The following ZNF487 variants were observed in gnomAD, a reference collection of about 807,000 sequenced individuals.
The protein encoded by ZNF487 is zinc finger protein 487.
A neutral mutation model predicts 3.0 loss-of-function variants in ZNF487; 4 were observed. That is an observed-to-expected ratio of 1.35 (90% CI 0.66 to 3.08). The LOEUF (loss-of-function observed/expected upper bound fraction) is 3.08, where lower values mean the gene tolerates loss of function less well. Among genes scored for constraint, ZNF487 ranks in the 30% most tolerant of loss-of-function variants. The pLI is 0.01. For synonymous variants in ZNF487, 55 were observed against 34.6 expected (o/e 1.59, Z -2.06); for missense variants, 146 against 98.7 (o/e 1.48, Z -2.03).
chr10:43,466,110 G>T (rs1840690917), intron 1 of ZNF487, among the ~76,000 whole-genome samples: 1 of 151,520 alleles, frequency 6.6e-6, no homozygotes, highest in African/African-American at 2.4e-5. Flanking sequence ...ATCAGGCAGG[G>T]AGGTTGCAGT....
intron 1 of ZNF487, among the ~76,000 whole-genome samples, chr10:43,440,980 C>T (rs1839577978): frequency 6.7e-6 from 1 of 148,562 alleles, no homozygotes; most frequent in Non-Finnish European, 1.5e-5. Flanking sequence ...AATCCTCCCA[C>T]CTTAGCCTCC....
At chr10:43,475,016 T>C (rs937490496) in intron 1 of ZNF487, among the ~76,000 whole-genome samples, 1 of 152,068 alleles carries the variant, frequency 6.6e-6, no homozygotes, top group Non-Finnish European at 1.5e-5. Context: ...AGGCGCAAAC[T>C]TCCCCTGCCT....
chr10:43,504,296 T>TTC, the ZNF487 span, among the ~76,000 whole-genome samples: 6 of 125,904 alleles, frequency 4.8e-5, no homozygotes, highest in South Asian at 2.6e-4. Flanking sequence ...TTTCTTTCTT[T>TTC]TTTTTTTTTT....
chr10:43,463,543 A>G, intron 1 of ZNF487, among the ~76,000 whole-genome samples: 1 of 151,760 alleles, frequency 6.6e-6, no homozygotes, highest in Non-Finnish European at 1.5e-5. Flanking sequence ...GTCTCGAAAA[A>G]AAAAAAAAAT....
At chr10:43,452,155 A>G (rs1420782725) in intron 1 of ZNF487, 3 of 152,096 alleles carry the variant, frequency 2.0e-5, no homozygotes, top group African/African-American at 7.2e-5. Flanking sequence ...TGTAGTTTTT[A>G]TGAACTAGAG....
downstream of ZNF487, among the ~76,000 whole-genome samples, chr10:43,486,272 C>A (rs1841470660): frequency 6.6e-6 from 1 of 152,136 alleles, no homozygotes; most frequent in African/African-American, 2.4e-5. Context: ...CACCTGTAAT[C>A]CCAGCACTTT....
At chr10:43,498,045 G>A in the ZNF487 span, among the ~76,000 whole-genome samples, 4 of 131,970 alleles carry the variant, frequency 3.0e-5, no homozygotes, top group Non-Finnish European at 6.3e-5. Context: ...GTGTCACACA[G>A]CATACCTACT....
At chr10:43,445,832 C>T (rs1348107914) in intron 1 of ZNF487, among the ~76,000 whole-genome samples, 1 of 152,084 alleles carries the variant, frequency 6.6e-6, no homozygotes, top group Non-Finnish European at 1.5e-5. Context: ...TGCGGCCTTC[C>T]GCAGTGTTTG....
chr10:43,503,045 A>G, the ZNF487 span, among the ~76,000 whole-genome samples: 3 of 151,812 alleles, frequency 2.0e-5, no homozygotes, highest in African/African-American at 7.3e-5. Flanking sequence ...AAAAAAAAAA[A>G]AAAGGTGGCT....
intron 1 of ZNF487, 162 bp from the exon 2 acceptor site, chr10:43,475,559 A>T: frequency 1.7e-6 from 1 of 600,638 alleles, no homozygotes. Flanking sequence ...TCATACCAGG[A>T]TTTCTCATTT....
At chr10:43,475,569 T>G in intron 1 of ZNF487, 152 bp from the exon 2 acceptor site, 2 of 613,036 alleles carry the variant, frequency 3.3e-6, no homozygotes, top group Non-Finnish European at 2.9e-6. Flanking sequence ...ATTTCTCATT[T>G]TCCTACAATG....
the ZNF487 span, among the ~76,000 whole-genome samples, chr10:43,501,599 G>T: frequency 3.2e-5 from 3 of 93,790 alleles, no homozygotes; most frequent in South Asian, 3.4e-4. Flanking sequence ...AATTAGCTGA[G>T]CATAGTGGCA....
upstream of ZNF487, chr10:43,436,988 C>T (rs1222675421): frequency 4.6e-6 from 2 of 434,316 alleles, no homozygotes; most frequent in Non-Finnish European, 9.6e-6. Context: ...GTGGGATGCC[C>T]GTGGCATAGG....
chr10:43,505,816 T>C, the ZNF487 span, among the ~76,000 whole-genome samples: 1 of 152,068 alleles, frequency 6.6e-6, no homozygotes, highest in Admixed American at 6.6e-5. Context: ...CTAATTTCTG[T>C]ATTTTTAGTA....
the ZNF487 span, among the ~76,000 whole-genome samples, chr10:43,490,433 C>A: frequency 2.7e-5 from 4 of 150,460 alleles, no homozygotes; most frequent in African/African-American, 9.8e-5. Context: ...ATTTTCCCCC[C>A]ATATTCAGTT....
At chr10:43,454,240 T>G (rs933256471) in intron 1 of ZNF487, 8 of 152,094 alleles carry the variant, frequency 5.3e-5, no homozygotes, top group African/African-American at 1.2e-4. Flanking sequence ...TTAGTAGAGA[T>G]AGGGTTTCAC....
the ZNF487 span, among the ~76,000 whole-genome samples, chr10:43,521,149 GAATATTGAATC>G: frequency 6.6e-6 from 1 of 152,180 alleles, no homozygotes; most frequent in Non-Finnish European, 1.5e-5. Context: ...CTGAATTAAT[GAATATTGAATC>G]ATTGCTCCCA....
At chr10:43,506,112 A>G in the ZNF487 span, among the ~76,000 whole-genome samples, 1 of 152,208 alleles carries the variant, frequency 6.6e-6, no homozygotes. Flanking sequence ...AAGGATTTTT[A>G]GCATTTCTTG....
At chr10:43,492,762 GCT>G in the ZNF487 span, among the ~76,000 whole-genome samples, 1 of 152,090 alleles carries the variant, frequency 6.6e-6, no homozygotes, top group Non-Finnish European at 1.5e-5. Context: ...TATTTTTGAG[GCT>G]TACAACATGT....
Sources: gnomAD v4.1 joint callset for allele counts (sites outside exome capture counted in the v4.1 genomes callset) on GRCh38, gnomAD v4.1.1 for gene constraint, MANE v1.5 for transcripts, NCBI Gene and HGNC (gene_info 2026-07-23, HGNC 2026-07-21) for gene names.